WNT5B: variants seen among roughly 807,000 people sequenced by gnomAD.
WNT5B encodes the protein protein Wnt-5b.
In WNT5B, 18 loss-of-function variants were observed where a neutral mutation model predicts 36.5. The ratio of observed to expected loss-of-function variants is 0.49; its 90% confidence interval spans 0.34 to 0.73. WNT5B has a LOEUF of 0.73. Ranked by LOEUF, WNT5B falls within the 30% of genes least tolerant of loss-of-function variation. The pLI is 0.01. For synonymous variants in WNT5B, 213 were observed against 212.3 expected (o/e 1.00, Z -0.03); for missense variants, 424 against 508.4 (o/e 0.83, Z 1.60).
chr12:1,636,851 G>T (rs2094562730), intron 3 of WNT5B, among the ~76,000 whole-genome samples: 1 of 152,020 alleles, frequency 6.6e-6, no homozygotes, highest in African/African-American at 2.4e-5. Context: ...GAGTAGCTGG[G>T]ATTACAGGCG....
chr12:1,626,357 G>A (rs1221322887), upstream of WNT5B, among the ~76,000 whole-genome samples: 1 of 150,796 alleles, frequency 6.6e-6, no homozygotes, highest in Non-Finnish European at 1.5e-5. Context: ...TCCACCTCCC[G>A]AGTTCAAGCA....
At position 1,646,557 on chromosome 12, in the gene WNT5B, T is replaced by C. The variant is rs552256566; in HGVS notation, c.*305T>C. On this transcript the variant is annotated 3_prime_UTR_variant, in exon 5 of 5. Coordinates refer to ENST00000397196, the MANE Select transcript of WNT5B (RefSeq NM_032642.3). ...TCCACCACGGCCTGGAGGAGGGAGG[T>C]TGTGGTTGGATGGAGGAGATGATCT... 1 of 171,668 alleles carries C rather than the reference T, an allele frequency of 5.8e-6. No individual in the cohort carries two copies. The highest frequency in any genetic ancestry group is 2.4e-5 in the African/African-American group (1 of 41,594). 10.6% of individuals were successfully genotyped at this position (171,668 alleles called of 1,614,324 possible).
chr12:1,630,189 G>A lies in WNT5B; in HGVS notation c.-58+818G>A. On this transcript the variant is annotated intron_variant, in intron 1 of 4. Transcript: ENST00000397196. The surrounding 1 kb of genome is among the most constrained non-coding windows in gnomAD (Gnocchi z 5.3). ...CTGGGGACGCCGACGCGCGAGAGTG[G>A]CGCAGTGAGCCGGGGCGCGCGGGGC... 1.0e-6 allele frequency: 1 copy of A among 985,372 alleles called. No homozygotes were observed. The highest frequency in any genetic ancestry group is 1.2e-6 in the Non-Finnish European group (1 of 829,936). 61.0% of individuals were successfully genotyped at this position (985,372 alleles called of 1,614,324 possible).
chr12:1,641,916 G>T, intron 4 of WNT5B, among the ~76,000 whole-genome samples: 1 of 152,242 alleles, frequency 6.6e-6, no homozygotes, highest in East Asian at 1.9e-4. Context: ...AGTATTGGCC[G>T]GATGGAATGT....
rs1017351935 is a variant in WNT5B at position 1,630,652 on chromosome 12, C to T, written c.-57-646C>T. On this transcript the variant is annotated intron_variant, in intron 1 of 4. Coordinates refer to ENST00000397196, the MANE Select transcript of WNT5B (RefSeq NM_032642.3). This position sits in a 1 kb window ranked among gnomAD's most constrained non-coding sequence, Gnocchi z 5.3. ...ACCTCAGCCGCCAGAGCTTTCCGGG[C>T]GGGCGGTTCGCGGCGTGGCTTGTAC... Among the ~76,000 whole-genome samples, 1 of 152,190 alleles carries T rather than the reference C, an allele frequency of 6.6e-6. No homozygotes were observed. Among genetic ancestry groups the T allele is most frequent in the Non-Finnish European group, 1.5e-5 (1 of 68,036 alleles).
chr12:1,626,658 A>G (rs549377055), upstream of WNT5B, among the ~76,000 whole-genome samples: 9 of 148,928 alleles, frequency 6.0e-5, no homozygotes, highest in East Asian at 1.8e-3. Flanking sequence ...TCCGCCTCCC[A>G]GGTTCACGCC....
At chr12:1,619,605 A>G (rs2094531139) in intron 1 of WNT5B, among the ~76,000 whole-genome samples, 1 of 152,204 alleles carries the variant, frequency 6.6e-6, no homozygotes, top group South Asian at 2.1e-4. Context: ...AAAAAAATTC[A>G]TGCAAGAGAA....
chr12:1,637,614 G>A (rs1336625240), intron 3 of WNT5B, among the ~76,000 whole-genome samples: 3 of 151,408 alleles, frequency 2.0e-5, no homozygotes, highest in Non-Finnish European at 4.4e-5. Context: ...GCCAGGCGCG[G>A]TGGCAGGTGC....
chr12:1,631,868 T>C (rs1301409671), intron 2 of WNT5B, among the ~76,000 whole-genome samples: 3 of 152,182 alleles, frequency 2.0e-5, no homozygotes, highest in Non-Finnish European at 2.9e-5. Context: ...TTTCTTCTTA[T>C]GTTTTAAGGG....
In WNT5B at chr12:1,646,169, C is replaced by T. The variant is rs2154439951; in HGVS notation, c.997C>T (p.Arg333Cys). 7.4e-6 allele frequency: 12 copies of T among 1,613,744 alleles called. No individual in the cohort carries two copies. The highest frequency in any genetic ancestry group is 1.1e-5 in the South Asian group (1 of 91,090). Residue 333 changes from arginine to cysteine, a missense_variant, in exon 5 of 5, where the codon CGC (arginine) becomes TGC (cysteine). Coordinates refer to ENST00000397196, the MANE Select transcript of WNT5B (RefSeq NM_032642.3). ...CCAGTTCAAGAGCGTGCAGGTGGAG[C>T]GCTGCCACTGCAAGTTCCACTGGTG... ...YNQFKSVQVE[R>C]CHCKFHWCCF... is the part of the protein sequence containing the mutation.
In WNT5B at chr12:1,647,088, C is replaced by G. The variant is rs2094587211; in HGVS notation, c.*836C>G. On this transcript the variant is annotated 3_prime_UTR_variant, in exon 5 of 5. Coordinates refer to ENST00000397196, the MANE Select transcript of WNT5B (RefSeq NM_032642.3). ...GGAAGCTTGAGCTGCTGCTGTCACT[C>G]CTCCACCGAGGGAGGCCTCACAAAC... 1.3e-5 allele frequency: 2 copies of G among 152,466 alleles called. No individual in the cohort carries two copies. The highest frequency in any genetic ancestry group is 4.1e-4 in the South Asian group (2 of 4,832). The allele number at this position is 152,466 out of a possible 1,614,324, so 9.4% of individuals were successfully genotyped here.
At position 1,632,908 on chromosome 12, in the gene WNT5B, A is replaced by G. The variant is rs755006427; in HGVS notation, c.328+3A>G. ...CTTTGGGAGAGTCATGCAGATAGGT[A>G]AGAGGCCATTACAAGAGGGCTCGGC... On this transcript the variant is annotated splice_donor_region_variant and intron_variant, in intron 3 of 4. Transcript: ENST00000397196. The surrounding 1 kb of genome is among the most constrained non-coding windows in gnomAD (Gnocchi z 5.8). The G allele has an allele frequency of 3.7e-6, 6 of 1,604,402 alleles. No homozygotes were observed. Among genetic ancestry groups the G allele is most frequent in the East Asian group, 4.5e-5 (2 of 44,638 alleles).
intron 4 of WNT5B, among the ~76,000 whole-genome samples, chr12:1,643,908 G>A (rs972907819): frequency 3.3e-5 from 5 of 151,742 alleles, no homozygotes; most frequent in African/African-American, 9.7e-5. Flanking sequence ...GGATGGAGGG[G>A]GTGTTTAAGC....
intron 1 of WNT5B, among the ~76,000 whole-genome samples, chr12:1,622,531 G>A (rs1055413670): frequency 1.3e-5 from 2 of 152,168 alleles, no homozygotes; most frequent in Admixed American, 6.5e-5. Context: ...CTCAGATAAG[G>A]GGAGGTACAG....
At chr12:1,628,064 C>G (rs141102449), upstream of WNT5B, among the ~76,000 whole-genome samples, 1 of 152,256 alleles carries the variant, frequency 6.6e-6, no homozygotes, top group African/African-American at 2.4e-5. Context: ...CCAGCTCATT[C>G]TGGCTTCTGG....
At chr12:1,623,160 T>C (rs74941806) in intron 1 of WNT5B, among the ~76,000 whole-genome samples, 1,603 of 145,534 alleles carry the variant, frequency 0.011, 38 homozygotes, top group African/African-American at 0.039. Flanking sequence ...CTTTAGGAGA[T>C]AGGAAACCTT....
At chr12:1,631,480 C>T in intron 2 of WNT5B, 46 bp downstream of exon 2, 1 of 1,612,876 alleles carries the variant, frequency 6.2e-7, no homozygotes, top group South Asian at 1.1e-5. Context: ...CGGAGGCCTC[C>T]TTCAGCGACT....
chr12:1,634,302 C>T (rs762010975), intron 3 of WNT5B, among the ~76,000 whole-genome samples: 1 of 152,198 alleles, frequency 6.6e-6, no homozygotes, highest in Non-Finnish European at 1.5e-5. Context: ...ACTTCCTGCC[C>T]TGCGTTTTGG....
chr12:1,623,191 T>G (rs1343320491), intron 1 of WNT5B, among the ~76,000 whole-genome samples: 2 of 106,244 alleles, frequency 1.9e-5, no homozygotes, highest in African/African-American at 8.0e-5. Context: ...TTTGTTGTTT[T>G]TTTTTTTTTT....
Sources: allele counts gnomAD v4.1 joint callset (sites outside exome capture counted in the v4.1 genomes callset), GRCh38; gene constraint gnomAD v4.1.1; non-coding constraint Gnocchi (gnomAD v3.1); transcripts MANE v1.5; gene names NCBI Gene and HGNC (gene_info 2026-07-23, HGNC 2026-07-21).